The following REDIC1 variants were observed in gnomAD, a reference collection of about 807,000 sequenced individuals.
REDIC1 encodes the protein HEI10 Interacting Protein 1.
the REDIC1 span, chr12:39,757,648 A>G: frequency 2.6e-5 from 4 of 152,136 alleles, no homozygotes; most frequent in African/African-American, 9.6e-5. Context: ...AGTCCTTTAA[A>G]GTAGGGGCTC....
the REDIC1 span, chr12:39,682,536 G>C: frequency 4.4e-6 from 5 of 1,148,084 alleles, no homozygotes; most frequent in African/African-American, 6.2e-5. Flanking sequence ...TGTCCTCTAA[G>C]AATTGAAAGT....
the REDIC1 span, among the ~76,000 whole-genome samples, chr12:39,895,632 A>ATGTATATATG: frequency 6.9e-6 from 1 of 144,954 alleles, no homozygotes; most frequent in African/African-American, 2.6e-5. Context: ...GTACACACAT[A>ATGTATATATG]TGTATATGCG....
At chr12:39,804,362 G>T in the REDIC1 span, among the ~76,000 whole-genome samples, 1 of 152,048 alleles carries the variant, frequency 6.6e-6, no homozygotes, top group Admixed American at 6.6e-5. Flanking sequence ...AATATACTTC[G>T]AGCTATGTGA....
chr12:39,894,672 G>C, the REDIC1 span, among the ~76,000 whole-genome samples: 2 of 152,134 alleles, frequency 1.3e-5, no homozygotes, highest in African/African-American at 4.8e-5. Flanking sequence ...TTAGGTCAGG[G>C]CCAACAGCTA....
At chr12:39,656,398 T>G in the REDIC1 span, among the ~76,000 whole-genome samples, 1 of 152,178 alleles carries the variant, frequency 6.6e-6, no homozygotes, top group Non-Finnish European at 1.5e-5. Context: ...GTAGCACAGC[T>G]CATTCCTCAT....
the REDIC1 span, among the ~76,000 whole-genome samples, chr12:39,713,277 C>CGTGTATATATGTGTAT: frequency 1.1e-3 from 18 of 16,656 alleles, 4 homozygotes; most frequent in South Asian, 1.9e-3. Context: ...TGTGTACACA[C>CGTGTATATATGTGTAT]ACATACGTGT....
chr12:39,658,388 A>G, the REDIC1 span, among the ~76,000 whole-genome samples: 1 of 152,210 alleles, frequency 6.6e-6, no homozygotes, highest in Non-Finnish European at 1.5e-5. Flanking sequence ...CCCAGCCTGG[A>G]TCAAAATACA....
chr12:39,823,081 TG>T, the REDIC1 span, among the ~76,000 whole-genome samples: 14 of 152,352 alleles, frequency 9.2e-5, no homozygotes, highest in African/African-American at 3.4e-4. Flanking sequence ...AAATTATTTA[TG>T]GGTAGATGAA....
At chr12:39,679,343 A>G in the REDIC1 span, among the ~76,000 whole-genome samples, 52 of 152,356 alleles carry the variant, frequency 3.4e-4, no homozygotes, top group African/African-American at 1.2e-3. Context: ...ACAATGCAGT[A>G]GAACTGCTAT....
At chr12:39,648,196 C>A in the REDIC1 span, among the ~76,000 whole-genome samples, 4 of 151,904 alleles carry the variant, frequency 2.6e-5, no homozygotes, top group South Asian at 8.3e-4. Flanking sequence ...TAAAAAAAAT[C>A]TTGGAATGTA....
the REDIC1 span, chr12:39,682,806 G>A: frequency 6.2e-7 from 1 of 1,612,474 alleles, no homozygotes; most frequent in Non-Finnish European, 8.5e-7. Context: ...TTCTATCAGA[G>A]AATTGTGACT....
At chr12:39,639,437 T>C in the REDIC1 span, among the ~76,000 whole-genome samples, 1 of 152,006 alleles carries the variant, frequency 6.6e-6, no homozygotes, top group Non-Finnish European at 1.5e-5. Flanking sequence ...TTAAAGAACA[T>C]ATTCAATAAG....
the REDIC1 span, among the ~76,000 whole-genome samples, chr12:39,831,541 A>T: frequency 6.6e-6 from 1 of 152,282 alleles, no homozygotes; most frequent in African/African-American, 2.4e-5. Context: ...TTTTTGATTC[A>T]TGTAACTAAA....
the REDIC1 span, among the ~76,000 whole-genome samples, chr12:39,896,758 T>G: frequency 1.3e-5 from 2 of 152,058 alleles, no homozygotes; most frequent in Admixed American, 6.6e-5. Flanking sequence ...TTCTATTATA[T>G]TTTTCACATA....
the REDIC1 span, among the ~76,000 whole-genome samples, chr12:39,711,976 C>A: frequency 4.3e-5 from 5 of 117,620 alleles, no homozygotes; most frequent in Admixed American, 3.3e-4. Flanking sequence ...TGTATATATA[C>A]ATGTCATGTC....
chr12:39,728,589 A>G, the REDIC1 span, among the ~76,000 whole-genome samples: 5 of 152,118 alleles, frequency 3.3e-5, no homozygotes, highest in East Asian at 9.6e-4. Context: ...TTCATCAGGC[A>G]TATTGGCCTG....
the REDIC1 span, among the ~76,000 whole-genome samples, chr12:39,706,410 C>G: frequency 6.6e-6 from 1 of 151,934 alleles, no homozygotes; most frequent in Non-Finnish European, 1.5e-5. Context: ...AATGCAATCA[C>G]TATCAAAATA....
At chr12:39,886,184 G>A in the REDIC1 span, among the ~76,000 whole-genome samples, 1 of 152,034 alleles carries the variant, frequency 6.6e-6, no homozygotes, top group Non-Finnish European at 1.5e-5. Context: ...AACAGCAGAG[G>A]AACTAGTTGA....
chr12:39,867,250 T>G, the REDIC1 span, among the ~76,000 whole-genome samples: 1 of 152,184 alleles, frequency 6.6e-6, no homozygotes, highest in Admixed American at 6.5e-5. Context: ...TTTGATATAT[T>G]AAGATGTGAA....
Sources: gnomAD v4.1 joint callset for allele counts (sites outside exome capture counted in the v4.1 genomes callset) on GRCh38, gnomAD v4.1.1 for gene constraint, MANE v1.5 for transcripts, NCBI Gene and HGNC (gene_info 2026-07-23, HGNC 2026-07-21) for gene names.